CIROZ: variants seen among roughly 807,000 people sequenced by gnomAD.
CIROZ encodes the protein ciliated left-right organizer protein containing ZP-N domains.
the CIROZ span, among the ~76,000 whole-genome samples, chr1:10,966,705 C>T: frequency 3.3e-5 from 5 of 152,150 alleles, no homozygotes; most frequent in Admixed American, 3.3e-4. Context: ...AACCCCATCT[C>T]CCCACGTGAA....
At chr1:10,972,420 T>TAGAAACACACAC in the CIROZ span, among the ~76,000 whole-genome samples, 26 of 131,722 alleles carry the variant, frequency 2.0e-4, no homozygotes, top group African/African-American at 7.9e-4. Context: ...GTCTCTGAAA[T>TAGAAACACACAC]ACACACACAC....
At chr1:10,978,966 T>A in the CIROZ span, among the ~76,000 whole-genome samples, 1 of 149,860 alleles carries the variant, frequency 6.7e-6, no homozygotes, top group African/African-American at 2.5e-5. Context: ...TGGAGAACTC[T>A]AAGCAGGGAA....
At chr1:10,965,494 C>T in the CIROZ span, among the ~76,000 whole-genome samples, 24 of 152,218 alleles carry the variant, frequency 1.6e-4, no homozygotes, top group Middle Eastern at 0.01. Context: ...GACACCGAGG[C>T]GGGAGGATGG....
the CIROZ span, among the ~76,000 whole-genome samples, chr1:10,967,900 G>C: frequency 6.6e-6 from 1 of 152,204 alleles, no homozygotes; most frequent in South Asian, 2.1e-4. Flanking sequence ...CTTGAACCCA[G>C]GAGGCGGAGG....
the CIROZ span, among the ~76,000 whole-genome samples, chr1:10,972,473 A>G: frequency 6.9e-6 from 1 of 144,936 alleles, no homozygotes; most frequent in South Asian, 2.2e-4. Context: ...ACACTCTAGA[A>G]TTATTCTACA....
At chr1:10,971,051 T>C in the CIROZ span, among the ~76,000 whole-genome samples, 9 of 7,600 alleles carry the variant, frequency 1.2e-3, no homozygotes, top group Non-Finnish European at 1.8e-3. Flanking sequence ...ACTCAGGAGG[T>C]GAGGCGGAAA....
At chr1:10,953,987 C>T in the CIROZ span, 3 of 1,589,772 alleles carry the variant, frequency 1.9e-6, no homozygotes, top group Non-Finnish European at 2.6e-6. Flanking sequence ...TGCCTGTTAC[C>T]AGCAGTCACA....
At chr1:10,957,063 G>A in the CIROZ span, 63 of 1,550,686 alleles carry the variant, frequency 4.1e-5, no homozygotes, top group Admixed American at 5.5e-4. Context: ...CATGGTGACC[G>A]CTCACCAGCC....
chr1:10,957,524 A>C, the CIROZ span: 1 of 1,535,602 alleles, frequency 6.5e-7, no homozygotes, highest in African/African-American at 1.4e-5. Context: ...TGGACATTTG[A>C]CTTGTCACTG....
the CIROZ span, among the ~76,000 whole-genome samples, chr1:10,971,871 A>C: frequency 6.6e-6 from 1 of 152,190 alleles, no homozygotes; most frequent in Non-Finnish European, 1.5e-5. Flanking sequence ...TGTCCAGCAA[A>C]GGGCTGTGGC....
chr1:10,955,091 G>A, the CIROZ span: 355 of 1,613,942 alleles, frequency 2.2e-4, 1 homozygote, highest in Non-Finnish European at 2.7e-4. Context: ...AGGAATCTGA[G>A]GCTCAGGGTT....
At chr1:10,947,582 C>T in the CIROZ span, 8 of 1,207,866 alleles carry the variant, frequency 6.6e-6, no homozygotes, top group Middle Eastern at 2.8e-4. Context: ...ACCTCCAGGC[C>T]GACCCATCAC....
At chr1:10,954,194 G>A in the CIROZ span, 17 of 1,565,072 alleles carry the variant, frequency 1.1e-5, no homozygotes, top group South Asian at 2.3e-5. Flanking sequence ...AGTGGCTCAC[G>A]CCTGTAATCC....
the CIROZ span, among the ~76,000 whole-genome samples, chr1:10,973,967 C>CACT: frequency 1.4e-4 from 21 of 146,378 alleles, no homozygotes; most frequent in Non-Finnish European, 2.7e-4. Context: ...CCCCCCCCAC[C>CACT]AAGTCTCTGC....
the CIROZ span, among the ~76,000 whole-genome samples, chr1:10,971,105 C>T: frequency 0.2 from 8 of 40 alleles, no homozygotes; most frequent in Non-Finnish European, 0.31. Flanking sequence ...GCCGAGATGG[C>T]GCCACTACAC....
chr1:10,949,596 T>C, the CIROZ span: 1 of 1,582,030 alleles, frequency 6.3e-7, no homozygotes, highest in East Asian at 2.3e-5. Context: ...GAGGAAACCA[T>C]GGGCAGAGGA....
At chr1:10,950,112 C>T in the CIROZ span, among the ~76,000 whole-genome samples, 1 of 144,680 alleles carries the variant, frequency 6.9e-6, no homozygotes, top group South Asian at 2.2e-4. Context: ...CAGCTCACTG[C>T]AACCTCCGCC....
chr1:10,962,987 T>A, the CIROZ span, among the ~76,000 whole-genome samples: 1 of 151,540 alleles, frequency 6.6e-6, no homozygotes, highest in African/African-American at 2.4e-5. Flanking sequence ...GGGCATGGTG[T>A]CATACGCCTA....
At chr1:10,976,675 C>G in the CIROZ span, among the ~76,000 whole-genome samples, 35 of 148,780 alleles carry the variant, frequency 2.4e-4, no homozygotes, top group South Asian at 4.2e-3. Context: ...TTTTGAGTGC[C>G]TACTATGCAC....
Sources: allele counts gnomAD v4.1 joint callset (sites outside exome capture counted in the v4.1 genomes callset), GRCh38; gene constraint gnomAD v4.1.1; transcripts MANE v1.5; gene names NCBI Gene and HGNC (gene_info 2026-07-23, HGNC 2026-07-21).